Variants in MEP1A observed in about 807,000 individuals in gnomAD.
MEP1A encodes the protein meprin A subunit alpha, also known as N-benzoyl-L-tyrosyl-P-amino-benzoic acid hydrolase subunit alpha.
In MEP1A, 68 loss-of-function variants were observed where a neutral mutation model predicts 84.5. That is an observed-to-expected ratio of 0.80 (90% CI 0.66 to 0.98). The LOEUF (loss-of-function observed/expected upper bound fraction) is 0.98, where lower values mean the gene tolerates loss of function less well. Ranked by LOEUF, MEP1A falls within the 50% of genes least tolerant of loss-of-function variation. The pLI is 0.00. For missense variants in MEP1A, 887 were observed against 919.9 expected (o/e 0.96, Z 0.46); for synonymous variants, 337 against 336.8 (o/e 1.00, Z -0.01).
chr6:46,825,350 T>G lies in MEP1A; in HGVS notation c.635T>G (p.Met212Arg), dbSNP rs141464986. 6.2e-7 allele frequency: 1 copy of G among 1,613,676 alleles called. No individual in the cohort carries two copies. The highest frequency in any genetic ancestry group is 8.5e-7 in the Non-Finnish European group (1 of 1,179,732). Residue 212 changes from methionine to arginine, a missense_variant, in exon 8 of 14, where the codon ATG becomes AGG. Coordinates refer to ENST00000230588, the MANE Select transcript of MEP1A (RefSeq NM_005588.3). ...LNTPYDYESL[M>R]HYQPFSFNKN... Reference sequence around the variant, plus strand: ...ACACCCTATGATTATGAGTCTTTGATGCACTACCAGCCTTTCTCATTTAAC... The same window carrying G: ...ACACCCTATGATTATGAGTCTTTGAGGCACTACCAGCCTTTCTCATTTAAC...
At chr6:46,804,619 G>A (rs1227419936) in intron 5 of MEP1A, among the ~76,000 whole-genome samples, 2 of 151,628 alleles carry the variant, frequency 1.3e-5, no homozygotes, top group Admixed American at 1.3e-4. Flanking sequence ...TTTGTATATA[G>A]TTCCCTTTTA....
In MEP1A at chr6:46,833,338, C is replaced by T. The variant is rs746041757; in HGVS notation, c.1409C>T (p.Thr470Ile). 3.7e-6 allele frequency: 6 copies of T among 1,614,186 alleles called. No individual in the cohort carries two copies. Among genetic ancestry groups the T allele is most frequent in the Non-Finnish European group, 5.1e-6 (6 of 1,180,024 alleles). Residue 470 changes from threonine to isoleucine, a missense_variant, in exon 11 of 14, where the codon ACT (threonine) becomes ATT (isoleucine). Transcript: ENST00000230588. ...TCGGAGGGATATGGTTTTGGGGTAACTTTATACCCAAATAGCAGAGAAAGC... is the reference window on the plus strand; with the variant it reads ...TCGGAGGGATATGGTTTTGGGGTAATTTTATACCCAAATAGCAGAGAAAGC... ...YNSEGYGFGV[T>I]LYPNSRESSG... is the part of the protein sequence containing the mutation.
chr6:46,809,810 G>GTATA (rs1395559272), intron 6 of MEP1A, among the ~76,000 whole-genome samples: 1 of 149,706 alleles, frequency 6.7e-6, no homozygotes, highest in African/African-American at 2.5e-5. Flanking sequence ...GTGTGTGTGT[G>GTATA]TGTATATATA....
At chr6:46,803,271 G>A (rs2150741601) in intron 5 of MEP1A, among the ~76,000 whole-genome samples, 1 of 151,284 alleles carries the variant, frequency 6.6e-6, no homozygotes, top group Non-Finnish European at 1.5e-5. Flanking sequence ...CTATTATGCT[G>A]CTTTTATTAA....
At chr6:46,804,980 T>G (rs12194021) in intron 5 of MEP1A, among the ~76,000 whole-genome samples, 5,547 of 151,974 alleles carry the variant, frequency 0.036, 93 homozygotes, top group South Asian at 0.061. Flanking sequence ...AGTAAAATGT[T>G]CTTGGGATGC....
Position 46,833,450 on chromosome 6 carries a change from A to G in MEP1A, c.1521A>G (p.Ile507Met). ...GGCCGGTAGAAAACAGACAGGTGAT[A>G]ATTACCATCCTTGACCAGGAGCCTG... The part of the protein sequence containing the change: ...LEWPVENRQV[I>M]ITILDQEPDV... The change falls in exon 11 of 14, where the codon ATA (isoleucine) becomes ATG (methionine). Residue 507 changes from isoleucine (I) to methionine (M), a missense_variant. Physicochemically the swap from Ile to Met is conservative, Grantham distance 10. Transcript: ENST00000230588. The G allele has an allele frequency of 1.2e-6, 2 of 1,614,180 alleles. No individual in the cohort carries two copies. Among genetic ancestry groups the G allele is most frequent in the Non-Finnish European group, 1.7e-6 (2 of 1,180,036 alleles).
In MEP1A at chr6:46,797,792, C is replaced by CTT. The variant is rs1415183029; in HGVS notation, c.146-813_146-812insTT. On this transcript the variant is annotated intron_variant, in intron 3 of 13. Transcript: ENST00000230588. ...TTTCTTTTTCTTTCTTTCTTTCTTT[C>CTT]TCTTTCTTTCTTTCTTTCTTTCTTT... is the stretch of plus-strand genomic sequence containing the variant. Among the ~76,000 whole-genome samples, 488 of 136,794 alleles carry CTT rather than the reference C, an allele frequency of 3.6e-3. 5 individuals are homozygous for CTT. Among genetic ancestry groups the CTT allele is most frequent in the African/African-American group, 0.013 (450 of 35,294 alleles). The allele number at this position is 136,794 out of a possible 152,430, so 89.7% of individuals were successfully genotyped here. A position where few individuals can be genotyped will look rare whatever the true frequency, so the allele number is the denominator to read the frequency against.
intron 13 of MEP1A, among the ~76,000 whole-genome samples, chr6:46,836,669 C>T (rs1768223813): frequency 6.6e-6 from 1 of 152,190 alleles, no homozygotes; most frequent in Non-Finnish European, 1.5e-5. Context: ...GGATCCAATT[C>T]TGGATCTCAC....
intron 5 of MEP1A, among the ~76,000 whole-genome samples, chr6:46,806,591 C>G (rs902055408): frequency 2.6e-5 from 4 of 152,028 alleles, no homozygotes; most frequent in African/African-American, 7.2e-5. Flanking sequence ...GGTTGCTCAG[C>G]CTTCCAATGG....
intron 6 of MEP1A, among the ~76,000 whole-genome samples, chr6:46,815,661 C>A (rs74559073): frequency 0.033 from 5,094 of 152,144 alleles, 136 homozygotes; most frequent in Middle Eastern, 0.1. Flanking sequence ...AGCAAAAATT[C>A]ATGATGTGAG....
Position 46,833,195 on chromosome 6 carries a change from T to A in MEP1A, c.1266T>A (p.Asp422Glu), listed in dbSNP as rs146027704. Reference protein sequence around the residue: ...PQNSTGGIYLDDITLTETPCP... With the variant: ...PQNSTGGIYLEDITLTETPCP... ...ACTCAACTGGGGGAATTTACCTAGA[T>A]GACATCACTCTGACAGAAACCCCCT... Residue 422 changes from aspartate (D) to glutamate (E), a missense_variant, in exon 11 of 14, where the codon GAT (aspartate) becomes GAA (glutamate). Asp to Glu is a conservative substitution (Grantham distance 45). Transcript: ENST00000230588. The A allele has an allele frequency of 2.5e-6, 4 of 1,611,558 alleles. No homozygotes were observed. The highest frequency in any genetic ancestry group is 2.2e-5 in the East Asian group (1 of 44,860).
intron 7 of MEP1A, among the ~76,000 whole-genome samples, chr6:46,824,569 T>C: frequency 7.1e-6 from 1 of 140,208 alleles, no homozygotes; most frequent in Non-Finnish European, 1.5e-5. Context: ...ATTAAATAGA[T>C]GTATTTAAAT....
intron 13 of MEP1A, 24 bp from the exon 14 acceptor site, chr6:46,838,956 T>A: frequency 1.3e-6 from 2 of 1,595,924 alleles, no homozygotes; most frequent in Non-Finnish European, 1.7e-6. Flanking sequence ...GTTCCCACAC[T>A]CCCTTCATGT....
In MEP1A at chr6:46,835,643, G is replaced by A. The variant is rs370254615; in HGVS notation, c.2084+94G>A. 490 of 1,296,968 alleles carry A rather than the reference G, an allele frequency of 3.8e-4. 3 individuals carry two copies. Among genetic ancestry groups the A allele is most frequent in the Admixed American group, 1.6e-3 (76 of 47,198 alleles). 80.3% of individuals were successfully genotyped at this position (1,296,968 alleles called of 1,614,324 possible). ...AAGGCTGCTGTTTGCAGAGTAGGGC[G>A]AAGACTACCTCAGATGGTCAACTGA... On this transcript the variant is annotated intron_variant, in intron 13 of 13. Transcript: ENST00000230588.
At chr6:46,807,231 A>G (rs1209174281) in intron 5 of MEP1A, among the ~76,000 whole-genome samples, 1 of 151,964 alleles carries the variant, frequency 6.6e-6, no homozygotes, top group Non-Finnish European at 1.5e-5. Flanking sequence ...GGTTAAAGGA[A>G]TGCTAGTGGT....
intron 6 of MEP1A, among the ~76,000 whole-genome samples, chr6:46,814,065 T>TGAGGC: frequency 6.6e-6 from 1 of 152,318 alleles, no homozygotes; most frequent in East Asian, 1.9e-4. Context: ...TCCCAGGTGT[T>TGAGGC]CTTTGAGATT....
At chr6:46,829,676 C>T (rs1222951725) in intron 10 of MEP1A, 105 bp downstream of exon 10, 2 of 771,760 alleles carry the variant, frequency 2.6e-6, no homozygotes, top group East Asian at 2.5e-5. Flanking sequence ...TCTCTCTCCT[C>T]CTCCTTTTCC....
intron 5 of MEP1A, 144 bp downstream of exon 5, chr6:46,799,325 A>G (rs756411794): frequency 3.2e-6 from 2 of 628,988 alleles, no homozygotes; most frequent in Non-Finnish European, 2.9e-6. Context: ...ATGGGGAGAA[A>G]GACATAACAT....
chr6:46,845,661 TC>T, the MEP1A span, among the ~76,000 whole-genome samples: 2 of 152,242 alleles, frequency 1.3e-5, no homozygotes, highest in Non-Finnish European at 2.9e-5. Context: ...TCTGTGGACC[TC>T]ATAAATTTCT....
Sources: allele counts gnomAD v4.1 joint callset (sites outside exome capture counted in the v4.1 genomes callset), GRCh38; gene constraint gnomAD v4.1.1; transcripts MANE v1.5; gene names NCBI Gene and HGNC (gene_info 2026-07-23, HGNC 2026-07-21).